CYTIP: variants seen among roughly 807,000 people sequenced by gnomAD.
The protein encoded by CYTIP is cytohesin 1 interacting protein, also known as cytohesin-interacting protein.
A neutral mutation model predicts 43.8 loss-of-function variants in CYTIP; 26 were observed. That is an observed-to-expected ratio of 0.59 (90% CI 0.44 to 0.82). The LOEUF is 0.82. Among genes scored for constraint, CYTIP ranks in the 40% least tolerant of loss-of-function variants. The pLI is 0.00. For missense variants in CYTIP, 426 were observed against 443.1 expected (o/e 0.96, Z 0.35); for synonymous variants, 162 against 162.9 (o/e 0.99, Z 0.04).
intron 6 of CYTIP, among the ~76,000 whole-genome samples, chr2:157,424,295 CAT>C (rs1479175493): frequency 1.3e-5 from 2 of 152,084 alleles, no homozygotes; most frequent in African/African-American, 4.8e-5. Flanking sequence ...ATTTATTTCA[CAT>C]GTCTATTAAC....
At chr2:157,434,583 T>A (rs1465302928) in intron 2 of CYTIP, 115 bp downstream of exon 2, 18 of 815,372 alleles carry the variant, frequency 2.2e-5, no homozygotes, top group South Asian at 1.5e-5. Context: ...TGTGTGCGTC[T>A]GTGTGTGTGC....
At chr2:157,438,018 A>G (rs990992771) in intron 1 of CYTIP, among the ~76,000 whole-genome samples, 13 of 152,218 alleles carry the variant, frequency 8.5e-5, no homozygotes, top group Non-Finnish European at 1.3e-4. Context: ...CAATCCCACT[A>G]CTGGGAATTC....
intron 3 of CYTIP, among the ~76,000 whole-genome samples, chr2:157,433,027 T>C (rs1360580229): frequency 6.6e-6 from 1 of 152,118 alleles, no homozygotes; most frequent in African/African-American, 2.4e-5. Context: ...CCACGGAGAA[T>C]AAGTGTTTAT....
At chr2:157,435,891 G>C (rs1300350236) in intron 1 of CYTIP, among the ~76,000 whole-genome samples, 2 of 152,138 alleles carry the variant, frequency 1.3e-5, no homozygotes, top group Non-Finnish European at 2.9e-5. Context: ...TTACACAAAT[G>C]AAATGCTTAT....
At position 157,427,440 on chromosome 2, in the gene CYTIP, A is replaced by G; in HGVS notation, c.477-20T>C. The G allele has an allele frequency of 1.3e-6, 2 of 1,564,642 alleles. No individual in the cohort carries two copies. The highest frequency in any genetic ancestry group is 2.4e-5 in the South Asian group (2 of 85,098). ...TCTATCCTGTTTTAAGGAAAAAAAA[A>G]AGAAGAGGAAGGTGGGGAGTGAGTA... On this transcript the variant is annotated intron_variant, in intron 5 of 7. Transcript: ENST00000264192.
At chr2:157,427,074 G>A (rs1373911965) in intron 6 of CYTIP, among the ~76,000 whole-genome samples, 3 of 152,124 alleles carry the variant, frequency 2.0e-5, no homozygotes, top group Non-Finnish European at 4.4e-5. Flanking sequence ...GAGATCACAG[G>A]TGCACTAATG....
chr2:157,442,867 C>T (rs960619149), intron 1 of CYTIP, among the ~76,000 whole-genome samples: 10 of 152,124 alleles, frequency 6.6e-5, no homozygotes, highest in African/African-American at 1.7e-4. Context: ...AAGACTTAAG[C>T]GCAAAAATTC....
intron 3 of CYTIP, among the ~76,000 whole-genome samples, chr2:157,433,821 A>G (rs972382236): frequency 1.3e-5 from 2 of 152,204 alleles, no homozygotes; most frequent in Non-Finnish European, 2.9e-5. Context: ...TTCAAATAAC[A>G]ATTATAAAGC....
At chr2:157,438,499 T>C (rs1685850661) in intron 1 of CYTIP, among the ~76,000 whole-genome samples, 1 of 152,230 alleles carries the variant, frequency 6.6e-6, no homozygotes, top group Non-Finnish European at 1.5e-5. Flanking sequence ...GTATATCATG[T>C]ACTAGTTTCA....
intron 1 of CYTIP, chr2:157,439,251 A>C (rs974897779): frequency 6.6e-6 from 1 of 152,580 alleles, no homozygotes; most frequent in African/African-American, 2.4e-5. Flanking sequence ...ACTTAAACAA[A>C]AAACAATTTA....
chr2:157,420,945 T>A (rs1463067420), intron 6 of CYTIP, among the ~76,000 whole-genome samples: 1 of 152,224 alleles, frequency 6.6e-6, no homozygotes, highest in African/African-American at 2.4e-5. Flanking sequence ...AAGTCAGCAC[T>A]GGCTGACTTT....
rs756744568 is a variant in CYTIP at position 157,415,672 on chromosome 2, A to G, written c.*5T>C. Reference sequence around the variant, plus strand: ...TAAGCTAATTTGAAAGGACACCACAATCCGTCAAAAGCGACTTTCTTCCTC... The same window carrying G: ...TAAGCTAATTTGAAAGGACACCACAGTCCGTCAAAAGCGACTTTCTTCCTC... On this transcript the variant is annotated 3_prime_UTR_variant, in exon 8 of 8. Coordinates refer to ENST00000264192, the MANE Select transcript of CYTIP (RefSeq NM_004288.5). 5.8e-5 allele frequency: 92 copies of G among 1,585,850 alleles called. No individual in the cohort carries two copies. The highest frequency in any genetic ancestry group is 7.9e-5 in the Non-Finnish European group (92 of 1,160,282).
In CYTIP at chr2:157,415,056, T is replaced by C. The variant is rs556426642; in HGVS notation, c.*621A>G. ...TATAAAAATGACTTTATTATGATCT[T>C]TGCAGCACCCATCTCAGACCACATC... On this transcript the variant is annotated 3_prime_UTR_variant, in exon 8 of 8. Coordinates refer to ENST00000264192, the MANE Select transcript of CYTIP (RefSeq NM_004288.5). 6.6e-6 allele frequency: 1 copy of C among 152,628 alleles called. No homozygotes were observed. Among genetic ancestry groups the C allele is most frequent in the South Asian group, 2.1e-4 (1 of 4,850 alleles). 9.5% of individuals were successfully genotyped at this position (152,628 alleles called of 1,614,324 possible). A position where few individuals can be genotyped will look rare whatever the true frequency, so the allele number is the denominator to read the frequency against.
At chr2:157,434,491 T>C in intron 2 of CYTIP, 67 bp from the exon 3 acceptor site, 1 of 1,239,542 alleles carries the variant, frequency 8.1e-7, no homozygotes, top group Non-Finnish European at 1.2e-6. Flanking sequence ...CACAGATCTA[T>C]CATTAAAAAT....
At chr2:157,429,972 A>G (rs912231115) in intron 5 of CYTIP, among the ~76,000 whole-genome samples, 3 of 151,662 alleles carry the variant, frequency 2.0e-5, no homozygotes, top group Admixed American at 1.3e-4. Context: ...GCAGTGAGCC[A>G]AGATCGCGCC....
At chr2:157,437,259 A>G (rs1685824502) in intron 1 of CYTIP, among the ~76,000 whole-genome samples, 1 of 152,206 alleles carries the variant, frequency 6.6e-6, no homozygotes, top group South Asian at 2.1e-4. Context: ...CAAACAATTA[A>G]CAGAGTGAAA....
At chr2:157,419,162 C>A (rs1685482790) in intron 6 of CYTIP, among the ~76,000 whole-genome samples, 1 of 152,168 alleles carries the variant, frequency 6.6e-6, no homozygotes, top group African/African-American at 2.4e-5. Context: ...CCATGCCCGG[C>A]CAAATTTCTG....
chr2:157,419,332 A>C (rs1205551822), intron 6 of CYTIP, among the ~76,000 whole-genome samples: 1 of 152,172 alleles, frequency 6.6e-6, no homozygotes, highest in Non-Finnish European at 1.5e-5. Context: ...AGGAGAACAG[A>C]ACTATCTGAA....
intron 7 of CYTIP, among the ~76,000 whole-genome samples, chr2:157,417,857 A>C (rs552918970): frequency 6.6e-6 from 1 of 152,336 alleles, no homozygotes; most frequent in African/African-American, 2.4e-5. Flanking sequence ...AGAAGAGATA[A>C]GCTATATTTC....
Sources: gnomAD v4.1 joint callset for allele counts (sites outside exome capture counted in the v4.1 genomes callset) on GRCh38, gnomAD v4.1.1 for gene constraint, MANE v1.5 for transcripts, NCBI Gene and HGNC (gene_info 2026-07-23, HGNC 2026-07-21) for gene names.